The following MARCHF8 variants were observed in gnomAD, a reference collection of about 807,000 sequenced individuals.
MARCHF8 encodes E3 ubiquitin-protein ligase MARCHF8.
MARCHF8 carries 40 observed loss-of-function variants against 51.6 expected under a neutral mutation model. The observed-to-expected ratio is 0.77, with a 90% CI of 0.60 to 1.01. The LOEUF is 1.01. MARCHF8 is among the 50% of genes least tolerant of loss of function. The probability of loss-of-function intolerance (pLI) is 0.00; values close to 1 mark genes in which losing one functional copy is unlikely to be tolerated. For synonymous variants in MARCHF8, 263 were observed against 280.3 expected (o/e 0.94, Z 0.62); for missense variants, 685 against 708.6 (o/e 0.97, Z 0.38).
chr10:45,579,824 G>A (rs1190776743), intron 1 of MARCHF8, among the ~76,000 whole-genome samples: 1 of 151,882 alleles, frequency 6.6e-6, no homozygotes, highest in African/African-American at 2.4e-5. Context: ...GACCAGCCTG[G>A]CCAACATGGT....
chr10:45,488,305 T>G (rs887415331), intron 3 of MARCHF8, among the ~76,000 whole-genome samples: 1 of 152,268 alleles, frequency 6.6e-6, no homozygotes, highest in East Asian at 1.9e-4. Flanking sequence ...GCCTTCCTGC[T>G]GAAAATGGTG....
chr10:45,553,624 T>C (rs752770137), intron 1 of MARCHF8, among the ~76,000 whole-genome samples: 2 of 152,006 alleles, frequency 1.3e-5, no homozygotes, highest in African/African-American at 4.8e-5. Context: ...CAAATGTCCA[T>C]TAATATGGGA....
At chr10:45,488,672 C>T (rs1175701773) in intron 3 of MARCHF8, among the ~76,000 whole-genome samples, 1 of 152,210 alleles carries the variant, frequency 6.6e-6, no homozygotes, top group Non-Finnish European at 1.5e-5. Context: ...ACATCTAGAA[C>T]CTTTTGTTCA....
At chr10:45,530,865 T>G (rs1380789187) in intron 2 of MARCHF8, among the ~76,000 whole-genome samples, 1 of 152,042 alleles carries the variant, frequency 6.6e-6, no homozygotes, top group Non-Finnish European at 1.5e-5. Flanking sequence ...ATGCCAACAA[T>G]GACAGAAAAG....
chr10:45,570,431 C>T (rs537163391), intron 1 of MARCHF8, among the ~76,000 whole-genome samples: 32 of 152,096 alleles, frequency 2.1e-4, no homozygotes, highest in African/African-American at 6.0e-4. Context: ...ATATCCATTC[C>T]GGGTTAAAAA....
At chr10:45,573,144 C>T (rs1043761737) in intron 1 of MARCHF8, among the ~76,000 whole-genome samples, 2 of 152,290 alleles carry the variant, frequency 1.3e-5, no homozygotes, top group East Asian at 3.9e-4. Flanking sequence ...GCCCATTTAG[C>T]AGCAACCCTT....
intron 3 of MARCHF8, among the ~76,000 whole-genome samples, chr10:45,472,119 TCCTTTCCCGGCAACTGGTGG>T (rs2042702672): frequency 6.6e-6 from 1 of 152,064 alleles, no homozygotes; most frequent in African/African-American, 2.4e-5. Context: ...GCCTAGGCCC[TCCTTTCCCGGCAACTGGTGG>T]CCTTTCCCAC....
In MARCHF8 at chr10:45,489,420, G is replaced by C; in HGVS notation, c.103-3C>G. 1 of 1,610,570 alleles carries C rather than the reference G, an allele frequency of 6.2e-7. No homozygotes were observed. The highest frequency in any genetic ancestry group is 8.5e-7 in the Non-Finnish European group (1 of 1,178,198). On this transcript the variant is annotated splice_region_variant and splice_polypyrimidine_tract_variant and intron_variant, in intron 2 of 7. Coordinates refer to ENST00000453424, the MANE Select transcript of MARCHF8 (RefSeq NM_001282866.2). The stretch of plus-strand genomic sequence containing the variant: ...AAATGTCCCAAAGTCTTCTCATTCT[G>C]CAAGAAAATCAAACAGGTTTTAATT...
intron 3 of MARCHF8, among the ~76,000 whole-genome samples, chr10:45,465,998 C>T (rs557166921): frequency 1.6e-4 from 24 of 152,184 alleles, no homozygotes; most frequent in African/African-American, 5.3e-4. Context: ...TGCCTGTGGA[C>T]ACTATGCTGT....
intron 1 of MARCHF8, among the ~76,000 whole-genome samples, chr10:45,588,361 G>C (rs1234475182): frequency 1.3e-5 from 2 of 152,168 alleles, no homozygotes; most frequent in Non-Finnish European, 2.9e-5. Flanking sequence ...TGGCTTCTAT[G>C]AGACGGTAGT....
Position 45,517,388 on chromosome 10 carries a change from G to A in MARCHF8, c.102+15722C>T, listed in dbSNP as rs542658127. On this transcript the variant is annotated intron_variant, in intron 2 of 7. Coordinates refer to ENST00000453424, the MANE Select transcript of MARCHF8 (RefSeq NM_001282866.2). ...GCCAATGTTGGAGGTGTGACCTGGT[G>A]GGAGGTCGACTGGATCATGGGGGCT... Among the ~76,000 whole-genome samples, 7 of 152,294 alleles carry A rather than the reference G, an allele frequency of 4.6e-5. No homozygotes were observed. The South Asian group carries it at 1.5e-3, about 32-fold the overall frequency.
At chr10:45,519,918 G>GT (rs1361520277) in intron 2 of MARCHF8, among the ~76,000 whole-genome samples, 4 of 152,166 alleles carry the variant, frequency 2.6e-5, no homozygotes, top group Non-Finnish European at 4.4e-5. Context: ...TCTAGCCCAG[G>GT]TGACTCAGAG....
At chr10:45,471,872 T>A (rs1262332064) in intron 3 of MARCHF8, among the ~76,000 whole-genome samples, 3 of 152,234 alleles carry the variant, frequency 2.0e-5, no homozygotes, top group Non-Finnish European at 4.4e-5. Flanking sequence ...CTACCACTCT[T>A]GATTCTTGAT....
intron 1 of MARCHF8, among the ~76,000 whole-genome samples, chr10:45,591,422 C>T (rs576204595): frequency 1.3e-5 from 2 of 152,034 alleles, no homozygotes; most frequent in East Asian, 3.9e-4. Flanking sequence ...CAAGATGGTG[C>T]CACTGCACTC....
intron 3 of MARCHF8, among the ~76,000 whole-genome samples, chr10:45,467,828 C>T (rs1310036471): frequency 6.6e-6 from 1 of 152,126 alleles, no homozygotes; most frequent in Non-Finnish European, 1.5e-5. Context: ...ACACACGACT[C>T]GACAATTACT....
intron 3 of MARCHF8, among the ~76,000 whole-genome samples, chr10:45,488,581 C>T (rs192991878): frequency 2.1e-4 from 32 of 152,294 alleles, no homozygotes; most frequent in African/African-American, 7.2e-4. Context: ...AGCAAACTCA[C>T]GACTGCTCCG....
intron 1 of MARCHF8, among the ~76,000 whole-genome samples, chr10:45,581,649 G>C (rs2133424082): frequency 6.6e-6 from 1 of 152,214 alleles, no homozygotes; most frequent in East Asian, 1.9e-4. Flanking sequence ...GCCCAGACTG[G>C]TAAACATCTC....
chr10:45,591,833 C>G (rs1332805231), intron 1 of MARCHF8, among the ~76,000 whole-genome samples: 1 of 152,168 alleles, frequency 6.6e-6, no homozygotes, highest in Non-Finnish European at 1.5e-5. Context: ...TTGCCCTTAT[C>G]CACTTCTTTC....
rs1193016034 is a variant in MARCHF8, at chr10:45,459,288, G to A, written c.1270-21C>T. The A allele has an allele frequency of 2.5e-6, 4 of 1,612,110 alleles. 1 individual carries two copies. The highest frequency in any genetic ancestry group is 2.2e-5 in the South Asian group (2 of 90,922). On this transcript the variant is annotated intron_variant, in intron 6 of 7. Transcript: ENST00000453424. ...TCCCACTAGAAAGACAACACAGAGT[G>A]TGAGGCTCAGGCTTCTGGGGAAGGG...
Sources: gnomAD v4.1 joint callset for allele counts (sites outside exome capture counted in the v4.1 genomes callset) on GRCh38, gnomAD v4.1.1 for gene constraint, MANE v1.5 for transcripts, NCBI Gene and HGNC (gene_info 2026-07-23, HGNC 2026-07-21) for gene names.